The following FTCDNL1 variants were observed in gnomAD, a reference collection of about 807,000 sequenced individuals.
FTCDNL1 encodes formiminotransferase N-terminal subdomain-containing protein.
FTCDNL1 carries 11 observed loss-of-function variants against 5.9 expected under a neutral mutation model. The observed-to-expected ratio is 1.87, with a 90% CI of 1.18 to 3.10. The LOEUF (loss-of-function observed/expected upper bound fraction) is 3.10, where lower values mean the gene tolerates loss of function less well. Ranked by LOEUF, FTCDNL1 falls within the 30% of genes most tolerant of loss-of-function variation. FTCDNL1 has a pLI of 0.00. For synonymous variants in FTCDNL1, 58 were observed against 24.8 expected, an observed-to-expected ratio of 2.34 and a Z score of -3.99; for missense variants, 115 against 65.5, an observed-to-expected ratio of 1.76 and a Z score of -2.61.
chr2:199,679,065 T>A, the FTCDNL1 span, among the ~76,000 whole-genome samples: 1 of 152,104 alleles, frequency 6.6e-6, no homozygotes, highest in African/African-American at 2.4e-5. Flanking sequence ...TGAGGACCCA[T>A]CTTACCGGCA....
rs532212137 is a variant in FTCDNL1 at position 199,841,388 on chromosome 2, A to AAAAT, written c.211+4683_211+4686dup. On this transcript the variant is annotated intron_variant, in intron 3 of 4. Transcript: ENST00000420128. ...GTGACACAGCGAGACTCTGTCTCAA[A>AAAAT]AAATAAATAAATAAATAAATAAATA... Among the ~76,000 whole-genome samples, 177 of 152,140 alleles carry AAAAT rather than the reference A, an allele frequency of 1.2e-3. No homozygotes were observed. The East Asian group carries it at 0.019, about 16-fold the overall frequency.
intron 3 of FTCDNL1, among the ~76,000 whole-genome samples, chr2:199,828,114 A>G (rs1471843406): frequency 2.6e-5 from 4 of 152,080 alleles, no homozygotes; most frequent in Admixed American, 2.6e-4. Flanking sequence ...TATAGTAAGT[A>G]GGTATTTGTA....
chr2:199,729,297 A>G, the FTCDNL1 span, among the ~76,000 whole-genome samples: 5 of 152,336 alleles, frequency 3.3e-5, no homozygotes, highest in South Asian at 1.0e-3. Context: ...AACTTCCAAT[A>G]AGGATGCCCT....
chr2:199,814,524 T>C (rs984082048), intron 4 of FTCDNL1, among the ~76,000 whole-genome samples: 2 of 152,200 alleles, frequency 1.3e-5, no homozygotes, highest in Non-Finnish European at 2.9e-5. Context: ...ATTACAAACA[T>C]AGGTACAAAT....
chr2:199,762,176 C>T (rs541693609), intron 3 of FTCDNL1, among the ~76,000 whole-genome samples: 5 of 152,230 alleles, frequency 3.3e-5, no homozygotes, highest in South Asian at 2.1e-4. Flanking sequence ...GTCAGGAGTT[C>T]GAGACCAGCC....
chr2:199,808,367 T>C (rs1700842406), downstream of FTCDNL1, among the ~76,000 whole-genome samples: 1 of 152,210 alleles, frequency 6.6e-6, no homozygotes, highest in Non-Finnish European at 1.5e-5. Context: ...GTGGGATAAA[T>C]ACATACTTTT....
the FTCDNL1 span, among the ~76,000 whole-genome samples, chr2:199,671,142 C>T: frequency 7.0e-6 from 1 of 141,946 alleles, no homozygotes; most frequent in Non-Finnish European, 1.5e-5. Context: ...CCAGGAAAGG[C>T]ATAATATCTG....
chr2:199,715,861 C>G, the FTCDNL1 span, among the ~76,000 whole-genome samples: 1 of 151,950 alleles, frequency 6.6e-6, no homozygotes, highest in Admixed American at 6.6e-5. Flanking sequence ...CAGGAACAGG[C>G]CCCTAGAGCA....
chr2:199,685,618 C>A, the FTCDNL1 span, among the ~76,000 whole-genome samples: 1 of 152,114 alleles, frequency 6.6e-6, no homozygotes. Flanking sequence ...TAAGGAAGTT[C>A]TCTAAGTTAC....
intron 3 of FTCDNL1, among the ~76,000 whole-genome samples, chr2:199,821,651 C>T (rs948228500): frequency 1.1e-4 from 17 of 151,724 alleles, no homozygotes; most frequent in Admixed American, 1.3e-4. Flanking sequence ...TTTTAGTAAA[C>T]GGAGTTTCAC....
At chr2:199,802,826 C>T (rs983264333) in intron 3 of FTCDNL1, among the ~76,000 whole-genome samples, 1 of 152,056 alleles carries the variant, frequency 6.6e-6, no homozygotes, top group Admixed American at 6.5e-5. Flanking sequence ...ACAGAGGAGG[C>T]GCTGACAGTC....
chr2:199,730,487 A>C, the FTCDNL1 span, among the ~76,000 whole-genome samples: 1 of 152,226 alleles, frequency 6.6e-6, no homozygotes. Flanking sequence ...ACTTAAACAA[A>C]TTTATAAGAA....
At chr2:199,745,087 T>C in the FTCDNL1 span, among the ~76,000 whole-genome samples, 1 of 152,234 alleles carries the variant, frequency 6.6e-6, no homozygotes, top group Non-Finnish European at 1.5e-5. Flanking sequence ...TTTCCCCACA[T>C]GTCAGTCTAT....
At chr2:199,669,749 CA>C in the FTCDNL1 span, among the ~76,000 whole-genome samples, 2 of 152,112 alleles carry the variant, frequency 1.3e-5, no homozygotes, top group Non-Finnish European at 2.9e-5. Context: ...AACAAAAGAA[CA>C]GAATTAGGAA....
intron 3 of FTCDNL1, among the ~76,000 whole-genome samples, chr2:199,836,924 C>G (rs975390041): frequency 1.3e-5 from 2 of 152,188 alleles, no homozygotes; most frequent in South Asian, 4.1e-4. Context: ...TCTGGTCCCC[C>G]ACAGGCCAAG....
intron 3 of FTCDNL1, among the ~76,000 whole-genome samples, chr2:199,775,951 T>C (rs1218481348): frequency 6.6e-6 from 1 of 150,840 alleles, no homozygotes; most frequent in Non-Finnish European, 1.5e-5. Flanking sequence ...TCTCGCTCTG[T>C]TGCCCAGGCT....
downstream of FTCDNL1, among the ~76,000 whole-genome samples, chr2:199,804,743 A>G (rs986872386): frequency 6.6e-6 from 1 of 152,132 alleles, no homozygotes; most frequent in Non-Finnish European, 1.5e-5. Context: ...TTCCCTCTCC[A>G]TTTCCCCCAG....
chr2:199,674,358 G>A, the FTCDNL1 span, among the ~76,000 whole-genome samples: 1 of 152,130 alleles, frequency 6.6e-6, no homozygotes, highest in African/African-American at 2.4e-5. Context: ...AATGAAGGCT[G>A]AGATCAGTGC....
At chr2:199,699,637 A>C in the FTCDNL1 span, among the ~76,000 whole-genome samples, 3 of 152,288 alleles carry the variant, frequency 2.0e-5, no homozygotes, top group Admixed American at 6.5e-5. Flanking sequence ...GAACACAGAC[A>C]CCAAAATCCT....
Sources: gnomAD v4.1 joint callset for allele counts (sites outside exome capture counted in the v4.1 genomes callset) on GRCh38, gnomAD v4.1.1 for gene constraint, MANE v1.5 for transcripts, NCBI Gene and HGNC (gene_info 2026-07-23, HGNC 2026-07-21) for gene names.